SLIT2: variants seen among roughly 807,000 people sequenced by gnomAD.
SLIT2 encodes slit homolog 2 protein.
Under a neutral mutation model 185.7 loss-of-function variants are expected in SLIT2, and 41 were observed. The observed-to-expected ratio is 0.22, with a 90% CI of 0.17 to 0.29. SLIT2 has a LOEUF of 0.29. Ranked by LOEUF, SLIT2 falls within the 10% of genes least tolerant of loss-of-function variation. The pLI is 1.00. For synonymous variants in SLIT2, 693 were observed against 680.2 expected (o/e 1.02, Z -0.29); for missense variants, 1,571 against 1,909.0 (o/e 0.82, Z 3.30).
chr4:20,351,052 C>CTTT (rs71181559), intron 4 of SLIT2, among the ~76,000 whole-genome samples: 1 of 143,148 alleles, frequency 7.0e-6, no homozygotes, highest in South Asian at 2.2e-4. Context: ...TTCTTTTTTT[C>CTTT]TTTTTTTTTT....
At chr4:20,439,525 C>A in intron 4 of SLIT2, among the ~76,000 whole-genome samples, 1 of 152,170 alleles carries the variant, frequency 6.6e-6, no homozygotes, top group African/African-American at 2.4e-5. Context: ...GGCTCTGTGT[C>A]CGAATTATCC....
intron 4 of SLIT2, among the ~76,000 whole-genome samples, chr4:20,460,331 C>G (rs1202920428): frequency 6.6e-6 from 1 of 152,106 alleles, no homozygotes; most frequent in African/African-American, 2.4e-5. Flanking sequence ...TCAATTAAAA[C>G]TATTTTTTCA....
chr4:20,520,097 C>T (rs1279042410), intron 12 of SLIT2, among the ~76,000 whole-genome samples: 3 of 146,106 alleles, frequency 2.1e-5, no homozygotes, highest in Non-Finnish European at 3.0e-5. Context: ...TCCAGAGAAT[C>T]TGCAGGAGCG....
chr4:20,554,415 G>C, intron 26 of SLIT2: 1 of 438,734 alleles, frequency 2.3e-6, no homozygotes, highest in Non-Finnish European at 4.6e-6. Flanking sequence ...GCCTTCCTGT[G>C]TTGATGTTCT....
At chr4:20,345,051 A>G (rs1395114147) in intron 4 of SLIT2, among the ~76,000 whole-genome samples, 2 of 152,356 alleles carry the variant, frequency 1.3e-5, no homozygotes, top group South Asian at 2.1e-4. Flanking sequence ...ATAGTAAAAT[A>G]CATAAGTTAT....
intron 30 of SLIT2, among the ~76,000 whole-genome samples, chr4:20,590,147 C>T (rs181814047): frequency 0.015 from 2,334 of 152,116 alleles, 23 homozygotes; most frequent in South Asian, 0.03. Context: ...CATCATGATC[C>T]GCCCACCTCG....
intron 2 of SLIT2, 46 bp downstream of exon 2, chr4:20,256,789 A>G (rs1711895147): frequency 1.1e-6 from 1 of 905,012 alleles, no homozygotes; most frequent in Non-Finnish European, 1.8e-6. Context: ...AAGGTTGCAT[A>G]TTTTGAATCA....
intron 3 of SLIT2, 91 bp from the exon 4 acceptor site, chr4:20,268,719 A>G: frequency 2.4e-6 from 2 of 843,994 alleles, no homozygotes; most frequent in Non-Finnish European, 4.1e-6. Context: ...TCTTTTCTGA[A>G]ATACAGGATG....
intron 4 of SLIT2, among the ~76,000 whole-genome samples, chr4:20,344,642 C>G (rs1721234301): frequency 6.6e-6 from 1 of 152,054 alleles, no homozygotes; most frequent in Non-Finnish European, 1.5e-5. Context: ...TATCCTTTTT[C>G]TGTCTCCCTC....
rs758186807 is a variant in SLIT2, at chr4:20,253,836, G to T, written c.21G>T (p.Gln7His). 5.0e-6 allele frequency: 8 copies of T among 1,599,628 alleles called. No individual in the cohort carries two copies. In the African/African-American group the frequency reaches 1.1e-4, roughly 21 times the overall value. ...GAAAGATGCGCGGCGTTGGCTGGCA[G>T]ATGCTGTCCCTGTCGCTGGGGTTAG... Reference protein sequence around the residue: MRGVGWQMLSLSLGLVL... With the variant: MRGVGWHMLSLSLGLVL... Residue 7 changes from glutamine (Q) to histidine (H), a missense_variant, in exon 1 of 37, where the codon CAG (glutamine) becomes CAT (histidine). By Grantham distance (24) the Gln-to-His change is conservative (BLOSUM62 0). This residue lies in a region of SLIT2 where 1,202 missense variants were observed against 1,416.4 expected (regional missense o/e 0.85). Transcript: ENST00000504154.
intron 4 of SLIT2, among the ~76,000 whole-genome samples, chr4:20,422,669 C>G (rs1577627684): frequency 6.6e-6 from 1 of 152,088 alleles, no homozygotes; most frequent in African/African-American, 2.4e-5. Flanking sequence ...GCAAGTCTCT[C>G]TGAGAAGACA....
intron 5 of SLIT2, among the ~76,000 whole-genome samples, chr4:20,473,114 C>A (rs928574759): frequency 2.0e-5 from 3 of 151,818 alleles, no homozygotes; most frequent in Admixed American, 6.6e-5. Flanking sequence ...ACCACACCTG[C>A]TTTCTGCTGC....
intron 26 of SLIT2, among the ~76,000 whole-genome samples, chr4:20,559,084 G>A (rs921307752): frequency 1.5e-4 from 23 of 151,858 alleles, no homozygotes; most frequent in African/African-American, 5.1e-4. Flanking sequence ...CTACAGGTGG[G>A]CATAACTGTG....
At chr4:20,324,212 G>C (rs898200353) in intron 4 of SLIT2, among the ~76,000 whole-genome samples, 3 of 152,010 alleles carry the variant, frequency 2.0e-5, no homozygotes, top group Admixed American at 2.0e-4. Context: ...TTGGAGCCTG[G>C]GCATGACACA....
chr4:20,524,905 G>A (rs184567340), intron 14 of SLIT2, among the ~76,000 whole-genome samples: 108 of 152,078 alleles, frequency 7.1e-4, no homozygotes, highest in African/African-American at 2.6e-3. Context: ...TATTCCAGGC[G>A]TATTTCACAT....
At chr4:20,324,048 G>GA (rs1305450036) in intron 4 of SLIT2, among the ~76,000 whole-genome samples, 3 of 152,144 alleles carry the variant, frequency 2.0e-5, no homozygotes, top group African/African-American at 7.2e-5. Flanking sequence ...ATAAGATTGT[G>GA]AACACTTGCG....
chr4:20,280,541 A>T (rs1714650674), intron 4 of SLIT2, among the ~76,000 whole-genome samples: 2 of 152,044 alleles, frequency 1.3e-5, no homozygotes, highest in South Asian at 4.1e-4. Flanking sequence ...CTATTACCAG[A>T]ATTTAGCAGA....
intron 4 of SLIT2, among the ~76,000 whole-genome samples, chr4:20,397,888 G>T (rs372367462): frequency 3.1e-4 from 47 of 151,934 alleles, no homozygotes; most frequent in African/African-American, 1.1e-3. Flanking sequence ...TTTCTGTGAT[G>T]CTAAGTAGAG....
At chr4:20,565,186 C>T (rs1027684028) in intron 26 of SLIT2, among the ~76,000 whole-genome samples, 4 of 151,978 alleles carry the variant, frequency 2.6e-5, no homozygotes, top group South Asian at 2.1e-4. Flanking sequence ...ATTTAAACCA[C>T]AGCCTTACAA....
Sources: allele counts gnomAD v4.1 joint callset (sites outside exome capture counted in the v4.1 genomes callset), GRCh38; gene constraint gnomAD v4.1.1; regional missense constraint gnomAD v4.1.1; transcripts MANE v1.5; gene names NCBI Gene and HGNC (gene_info 2026-07-23, HGNC 2026-07-21).